Variants in RPS6KA2 observed in about 807,000 individuals in gnomAD.
The protein encoded by RPS6KA2 is ribosomal protein S6 kinase A2.
RPS6KA2 carries 42 observed loss-of-function variants against 91.8 expected under a neutral mutation model. The ratio of observed to expected loss-of-function variants is 0.46; its 90% CI spans 0.36 to 0.59. The LOEUF (loss-of-function observed/expected upper bound fraction) is 0.59, where lower values mean the gene tolerates loss of function less well. Ranked by LOEUF, RPS6KA2 falls within the 20% of genes least tolerant of loss-of-function variation. The probability of loss-of-function intolerance (pLI) is 0.00; values close to 1 mark genes in which losing one functional copy is unlikely to be tolerated. For missense variants in RPS6KA2, 798 were observed against 978.5 expected (o/e 0.82, Z 2.46); for synonymous variants, 414 against 393.6 (o/e 1.05, Z -0.61).
intron 2 of RPS6KA2, among the ~76,000 whole-genome samples, chr6:166,532,840 A>C (rs528355316): frequency 1.1e-4 from 16 of 151,598 alleles, no homozygotes; most frequent in East Asian, 1.9e-4. Context: ...AGAGAGAGAG[A>C]GAGAGTGTGT....
chr6:166,853,059 G>A (rs1780787668), intron 2 of RPS6KA2, among the ~76,000 whole-genome samples: 1 of 152,178 alleles, frequency 6.6e-6, no homozygotes. Context: ...AATAACACCT[G>A]GATCTGGTTT....
At chr6:166,818,825 C>G (rs945502984) in intron 2 of RPS6KA2, among the ~76,000 whole-genome samples, 1 of 152,016 alleles carries the variant, frequency 6.6e-6, no homozygotes, top group African/African-American at 2.4e-5. Context: ...TGTGTCCTCT[C>G]TACGTGTTCC....
intron 2 of RPS6KA2, among the ~76,000 whole-genome samples, chr6:166,645,230 A>G (rs1787570826): frequency 6.6e-6 from 1 of 152,242 alleles, no homozygotes; most frequent in Non-Finnish European, 1.5e-5. Flanking sequence ...GCATAATAGC[A>G]TCTACAAGTA....
chr6:166,725,890 G>A (rs1226154402), intron 2 of RPS6KA2, among the ~76,000 whole-genome samples: 3 of 152,228 alleles, frequency 2.0e-5, no homozygotes, highest in Non-Finnish European at 2.9e-5. Context: ...GGCAGAGGGC[G>A]CATCACTTGT....
intron 2 of RPS6KA2, among the ~76,000 whole-genome samples, chr6:166,691,451 C>T (rs1032875417): frequency 2.0e-5 from 3 of 150,350 alleles, no homozygotes; most frequent in African/African-American, 7.5e-5. Context: ...CCGACACCTT[C>T]CCCGCCAAGC....
In RPS6KA2 at chr6:166,767,188, C is replaced by T. The variant is rs1778333258; in HGVS notation, c.123+91012G>A. Among the ~76,000 whole-genome samples, 1 of 152,204 alleles carries T rather than the reference C, an allele frequency of 6.6e-6. No individual in the cohort carries two copies. Among genetic ancestry groups the T allele is most frequent in the Non-Finnish European group, 1.5e-5 (1 of 68,042 alleles). On this transcript the variant is annotated intron_variant, in intron 2 of 21. Transcript: ENST00000503859. The surrounding 1 kb of genome is among the most constrained non-coding windows in gnomAD (Gnocchi z 4.6). ...AGAACCAGACTTTTGTATTTTATCC[C>T]CTAGACTCTGCCCAGTTTTTAATGT...
chr6:166,586,496 T>C (rs1785178819), intron 1 of RPS6KA2: 1 of 1,591,566 alleles, frequency 6.3e-7, no homozygotes. Flanking sequence ...TCCCAAAGGT[T>C]TGAGGCAGCT....
intron 10 of RPS6KA2, among the ~76,000 whole-genome samples, chr6:166,478,052 G>C (rs185291580): frequency 2.0e-5 from 3 of 152,130 alleles, no homozygotes; most frequent in Non-Finnish European, 2.9e-5. Context: ...ACTCCAATTC[G>C]CATTTCCAGG....
At chr6:166,527,199 C>T (rs1019089902) in intron 3 of RPS6KA2, among the ~76,000 whole-genome samples, 2 of 152,204 alleles carry the variant, frequency 1.3e-5, no homozygotes, top group South Asian at 2.1e-4. Context: ...GCAGAGCAGG[C>T]AGGCACAGAT....
chr6:166,490,863 C>A lies in RPS6KA2; in HGVS notation c.748-122G>T. ...TTCCTCATGCAAAATCTCCATCAGT[C>A]AATTGTAGCCACTGGCCTACGTGCT... On this transcript the variant is annotated intron_variant, in intron 8 of 20. Coordinates refer to ENST00000265678, the MANE Select transcript of RPS6KA2 (RefSeq NM_021135.6). The surrounding 1 kb of genome is among the most constrained non-coding windows in gnomAD (Gnocchi z 4.2). 2.8e-6 allele frequency: 2 copies of A among 704,922 alleles called. No homozygotes were observed. The highest frequency in any genetic ancestry group is 3.5e-5 in the South Asian group (2 of 57,254). The allele number at this position is 704,922 out of a possible 1,614,324, so 43.7% of individuals were successfully genotyped here.
intron 17 of RPS6KA2, among the ~76,000 whole-genome samples, chr6:166,420,758 G>T (rs1778694707): frequency 6.6e-6 from 1 of 152,158 alleles, no homozygotes; most frequent in African/African-American, 2.4e-5. Flanking sequence ...ATACCCAGAA[G>T]TTCCATTCTG....
At chr6:166,708,013 A>G (rs1007655347) in intron 2 of RPS6KA2, among the ~76,000 whole-genome samples, 7 of 152,282 alleles carry the variant, frequency 4.6e-5, no homozygotes, top group African/African-American at 1.4e-4. Context: ...CAAAGTGCTG[A>G]GATTACAGGC....
intron 13 of RPS6KA2, among the ~76,000 whole-genome samples, chr6:166,449,138 A>T (rs899482560): frequency 1.3e-5 from 2 of 152,222 alleles, no homozygotes; most frequent in Non-Finnish European, 2.9e-5. Flanking sequence ...TGAGAGCAGG[A>T]GAATGTGAAA....
rs554532293 is a variant in RPS6KA2, at chr6:166,609,749, C to G, written c.99+17172G>C. 7.2e-4 allele frequency among the ~76,000 whole-genome samples: 110 copies of G among 152,238 alleles called. 2 individuals are homozygous for G. Among genetic ancestry groups the G allele is most frequent in the Non-Finnish European group, 2.8e-4 (19 of 68,008 alleles). On this transcript the variant is annotated intron_variant, in intron 1 of 20. Coordinates refer to ENST00000265678, the MANE Select transcript of RPS6KA2 (RefSeq NM_021135.6). ...TCCTGACCTCAGCTGATCTGCCCGC[C>G]TCGTCCTCCTAAAGTGCTGAGATTA... is the stretch of plus-strand genomic sequence containing the variant.
At chr6:166,669,461 C>T (rs1788413131) in intron 2 of RPS6KA2, among the ~76,000 whole-genome samples, 1 of 152,186 alleles carries the variant, frequency 6.6e-6, no homozygotes, top group African/African-American at 2.4e-5. Context: ...TTCTGCCTCA[C>T]CCTCGCCTCT....
intron 19 of RPS6KA2, among the ~76,000 whole-genome samples, chr6:166,417,620 T>TACACACACACAC (rs10568123): frequency 1.2e-4 from 18 of 148,492 alleles, no homozygotes; most frequent in African/African-American, 4.0e-4. Flanking sequence ...TCTCTCTCTA[T>TACACACACACAC]ACACACACAC....
At chr6:166,683,741 A>G (rs948716326) in intron 2 of RPS6KA2, among the ~76,000 whole-genome samples, 3 of 152,240 alleles carry the variant, frequency 2.0e-5, no homozygotes, top group Non-Finnish European at 4.4e-5. Flanking sequence ...AGCTTTTCGC[A>G]TCCAGGGCCT....
At chr6:166,536,588 T>A (rs1004863553) in intron 2 of RPS6KA2, among the ~76,000 whole-genome samples, 1 of 152,186 alleles carries the variant, frequency 6.6e-6, no homozygotes, top group Non-Finnish European at 1.5e-5. Flanking sequence ...TATCTCTTCT[T>A]TCCAGAGTCC....
At chr6:166,600,067 G>A (rs1394662234) in intron 1 of RPS6KA2, among the ~76,000 whole-genome samples, 1 of 149,352 alleles carries the variant, frequency 6.7e-6, no homozygotes, top group Non-Finnish European at 1.5e-5. Flanking sequence ...GAGTGCAGTG[G>A]TGCCATCATA....
Sources: allele counts gnomAD v4.1 joint callset (sites outside exome capture counted in the v4.1 genomes callset), GRCh38; gene constraint gnomAD v4.1.1; non-coding constraint Gnocchi (gnomAD v3.1); transcripts MANE v1.5; gene names NCBI Gene and HGNC (gene_info 2026-07-23, HGNC 2026-07-21).